FYN: variants seen among roughly 807,000 people sequenced by gnomAD.
FYN encodes FYN proto-oncogene, Src family tyrosine kinase.
Under a neutral mutation model 70.2 loss-of-function variants are expected in FYN, and 10 were observed. That is an observed-to-expected ratio of 0.14 (90% confidence interval 0.09 to 0.24). The LOEUF (loss-of-function observed/expected upper bound fraction) is 0.24. FYN is among the 10% of genes least tolerant of loss of function. FYN has a pLI of 1.00. For synonymous variants in FYN, 236 were observed against 248.6 expected, an observed-to-expected ratio of 0.95 and a Z score of 0.48; for missense variants, 319 against 673.1, an observed-to-expected ratio of 0.47 and a Z score of 5.82.
Position 111,846,399 on chromosome 6 carries a change from C to T in FYN, c.-82+190G>A, listed in dbSNP as rs538428247. On this transcript the variant is annotated intron_variant, in intron 2 of 13. Coordinates refer to ENST00000354650, the MANE Select transcript of FYN (RefSeq NM_002037.5). ...TAAGGGAAGGGAGAAAATAGTGGGTCCACCAAAGGAGGTAAGGTTTTCTTT... is the reference window on the plus strand; with the variant it reads ...TAAGGGAAGGGAGAAAATAGTGGGTTCACCAAAGGAGGTAAGGTTTTCTTT... Among the ~76,000 whole-genome samples, 22 of 152,280 alleles carry T rather than the reference C, an allele frequency of 1.4e-4. 1 individual carries two copies. The South Asian group carries it at 4.6e-3, about 32-fold the overall frequency.
chr6:111,725,209 A>G (rs1258249777), intron 3 of FYN, among the ~76,000 whole-genome samples: 1 of 152,182 alleles, frequency 6.6e-6, no homozygotes, highest in Non-Finnish European at 1.5e-5. Context: ...CAGTGGAGAG[A>G]GTTAATCCAT....
chr6:111,836,566 A>G (rs1003777234), intron 2 of FYN, among the ~76,000 whole-genome samples: 5 of 152,188 alleles, frequency 3.3e-5, no homozygotes, highest in Admixed American at 6.5e-5. Flanking sequence ...GGAGTTCAAG[A>G]CCAGCCTGGG....
chr6:111,695,762 T>C (rs1431745717), intron 10 of FYN, among the ~76,000 whole-genome samples: 1 of 151,996 alleles, frequency 6.6e-6, no homozygotes, highest in Non-Finnish European at 1.5e-5. Context: ...GACAGAGGGG[T>C]TGTAGGGGAG....
At chr6:111,814,193 T>C (rs974236062) in intron 2 of FYN, 1 of 152,158 alleles carries the variant, frequency 6.6e-6, no homozygotes, top group African/African-American at 2.4e-5. Flanking sequence ...CAAACAGTAT[T>C]CCTATTCAAC....
At chr6:111,711,934 T>C (rs557199392) in intron 5 of FYN, among the ~76,000 whole-genome samples, 4 of 152,290 alleles carry the variant, frequency 2.6e-5, no homozygotes, top group East Asian at 3.9e-4. Context: ...AGGAAGAACA[T>C]TAAGAGGAAG....
At chr6:111,736,854 T>C (rs758882796) in intron 3 of FYN, among the ~76,000 whole-genome samples, 21 of 152,230 alleles carry the variant, frequency 1.4e-4, no homozygotes, top group Non-Finnish European at 2.2e-4. Context: ...ATTTTCTATA[T>C]AGGTTCACTG....
chr6:111,863,030 A>G (rs1774008640), intron 1 of FYN, among the ~76,000 whole-genome samples: 1 of 152,274 alleles, frequency 6.6e-6, no homozygotes, highest in African/African-American at 2.4e-5. Flanking sequence ...TAGATACTAC[A>G]GAAGGCACTG....
chr6:111,661,901 C>T lies in FYN; in HGVS notation c.1452G>A (p.Arg484=). 1 of 1,614,032 alleles carries T rather than the reference C, an allele frequency of 6.2e-7. No individual in the cohort carries two copies. Among genetic ancestry groups the T allele is most frequent in the Non-Finnish European group, 8.5e-7 (1 of 1,179,938 alleles). Residue 484 remains arginine (R), a synonymous_variant, in exon 14 of 14, where the codon AGG becomes AGA. Transcript: ENST00000354650. The surrounding 1 kb of genome is among the most constrained non-coding windows in gnomAD (Gnocchi z 4.0). ...EVLEQVERGY[R]MPCPQDCPIS... is the part of the protein sequence containing the mutation. Reference sequence around the variant, plus strand: ...TGGGGCAGTCCTGCGGGCAGGGCATCCTGTAGCCTCGCTCCACCTGCTCCA... The same window carrying T: ...TGGGGCAGTCCTGCGGGCAGGGCATTCTGTAGCCTCGCTCCACCTGCTCCA...
chr6:111,781,278 C>T (rs1771161251), intron 2 of FYN, among the ~76,000 whole-genome samples: 1 of 152,182 alleles, frequency 6.6e-6, no homozygotes, highest in Non-Finnish European at 1.5e-5. Flanking sequence ...ACCTCCACTG[C>T]AAACCTTGGC....
intron 2 of FYN, among the ~76,000 whole-genome samples, chr6:111,789,729 T>G (rs62413689): frequency 3.8e-3 from 582 of 152,338 alleles, no homozygotes; most frequent in Non-Finnish European, 6.9e-3. Flanking sequence ...TTCTGTAGTG[T>G]ACTTGAATTC....
At chr6:111,773,625 A>AGGGAGAGGGGGGG (rs1562515469) in intron 3 of FYN, among the ~76,000 whole-genome samples, 1 of 38,822 alleles carries the variant, frequency 2.6e-5, no homozygotes, top group South Asian at 1.4e-3. Flanking sequence ...AGAGAGGGGG[A>AGGGAGAGGGGGGG]AAGGAGAGGG....
Position 111,678,108 on chromosome 6 carries a change from ATGTGTGTGTG to A in FYN, c.1274-3488_1274-3479del, listed in dbSNP as rs57015847. ...TAAGCCAATACACGAAGGCCATAATATGTGTGTGTGTGTGTGTGTGTGTGTGTGTGTGTGT... is the reference window on the plus strand; with the variant it reads ...TAAGCCAATACACGAAGGCCATAATATGTGTGTGTGTGTGTGTGTGTGTGT... On this transcript the variant is annotated intron_variant, in intron 12 of 13. Transcript: ENST00000354650. Among the ~76,000 whole-genome samples, 429 of 94,020 alleles carry A rather than the reference ATGTGTGTGTG, an allele frequency of 4.6e-3. 1 individual carries two copies. The highest frequency in any genetic ancestry group is 0.011 in the African/African-American group (377 of 33,898). 61.7% of individuals were successfully genotyped at this position (94,020 alleles called of 152,430 possible). A position where few individuals can be genotyped will look rare whatever the true frequency, so the allele number is the denominator to read the frequency against.
intron 2 of FYN, among the ~76,000 whole-genome samples, chr6:111,815,119 CTCAA>C (rs1378831622): frequency 6.6e-6 from 1 of 152,148 alleles, no homozygotes; most frequent in African/African-American, 2.4e-5. Context: ...TGAAATCCAG[CTCAA>C]TCACACTGGA....
At chr6:111,691,523 TC>T (rs1799316652) in intron 12 of FYN, among the ~76,000 whole-genome samples, 1 of 152,134 alleles carries the variant, frequency 6.6e-6, no homozygotes, top group African/African-American at 2.4e-5. Context: ...GCTGATTAAT[TC>T]CCAGCAGAAA....
intron 2 of FYN, among the ~76,000 whole-genome samples, chr6:111,795,178 A>G (rs558843324): frequency 1.2e-4 from 18 of 147,532 alleles, no homozygotes; most frequent in Non-Finnish European, 1.9e-4. Flanking sequence ...ACACATCAGA[A>G]TGTGACTATA....
intron 12 of FYN, among the ~76,000 whole-genome samples, chr6:111,675,295 T>C (rs956083271): frequency 6.6e-6 from 1 of 152,234 alleles, no homozygotes; most frequent in Non-Finnish European, 1.5e-5. Context: ...CTATTTAATG[T>C]TTGTTTTTTA....
chr6:111,769,326 C>A (rs1370372163), intron 3 of FYN, among the ~76,000 whole-genome samples: 1 of 152,166 alleles, frequency 6.6e-6, no homozygotes, highest in Non-Finnish European at 1.5e-5. Flanking sequence ...ATTTGAATTT[C>A]AATTCTTACA....
intron 13 of FYN, among the ~76,000 whole-genome samples, chr6:111,669,702 C>T (rs1226508081): frequency 1.3e-5 from 2 of 152,060 alleles, no homozygotes; most frequent in Non-Finnish European, 2.9e-5. Flanking sequence ...AGGCTATGGG[C>T]TAAATTTAAA....
chr6:111,780,032 T>C (rs558078592), intron 3 of FYN, among the ~76,000 whole-genome samples: 2 of 152,214 alleles, frequency 1.3e-5, no homozygotes, highest in East Asian at 3.9e-4. Context: ...ACTGTCCTCT[T>C]TCCCTGCTAG....
Sources: allele counts gnomAD v4.1 joint callset (sites outside exome capture counted in the v4.1 genomes callset), GRCh38; gene constraint gnomAD v4.1.1; non-coding constraint Gnocchi (gnomAD v3.1); transcripts MANE v1.5; gene names NCBI Gene and HGNC (gene_info 2026-07-23, HGNC 2026-07-21).